Variants in PPID observed in about 807,000 individuals in gnomAD.
The protein encoded by PPID is peptidylprolyl isomerase D, also known as peptidyl-prolyl cis-trans isomerase D.
Under a neutral mutation model 48.1 loss-of-function variants are expected in PPID, and 47 were observed. The observed-to-expected ratio is 0.98, with a 90% CI of 0.77 to 1.25. PPID has a LOEUF of 1.25. Among genes scored for constraint, PPID ranks in the 50% most tolerant of loss-of-function variants. The probability of loss-of-function intolerance (pLI) is 0.00; values close to 1 mark genes in which losing one functional copy is unlikely to be tolerated. For missense variants in PPID, 429 were observed against 443.5 expected (o/e 0.97, Z 0.29); for synonymous variants, 163 against 148.8 (o/e 1.10, Z -0.69).
Position 158,720,839 on chromosome 4 carries a change from C to T in PPID, c.226+504G>A, listed in dbSNP as rs138868710. On this transcript the variant is annotated intron_variant, in intron 2 of 9. Transcript: ENST00000307720. ...ATGCCATTCTACTGCCTCAGCCTCC[C>T]GAGTAGCTGGGACTACAGGCGCCCA... Among the ~76,000 whole-genome samples, 59 of 152,124 alleles carry T rather than the reference C, an allele frequency of 3.9e-4. 2 individuals carry two copies. The East Asian group carries it at 9.6e-3, about 25-fold the overall frequency.
rs1393671805 is a variant in PPID, at chr4:158,723,191, A to T, written c.85+13T>A. ...TCCTCGGGGCTTTTCCGCGAGCGTC[A>T]GACTCCGCTCACCTCGCTCCCCTCC... On this transcript the variant is annotated intron_variant, in intron 1 of 9. Transcript: ENST00000307720. 1 of 1,610,330 alleles carries T rather than the reference A, an allele frequency of 6.2e-7. No homozygotes were observed. The highest frequency in any genetic ancestry group is 8.5e-7 in the Non-Finnish European group (1 of 1,177,582).
In PPID at chr4:158,709,637, A is replaced by G; in HGVS notation, c.*99T>C. 1 of 884,012 alleles carries G rather than the reference A, an allele frequency of 1.1e-6. No homozygotes were observed. The highest frequency in any genetic ancestry group is 1.7e-6 in the Non-Finnish European group (1 of 575,564). The allele number at this position is 884,012 out of a possible 1,614,324, so 54.8% of individuals were successfully genotyped here. On this transcript the variant is annotated 3_prime_UTR_variant, in exon 10 of 10. Transcript: ENST00000307720. ...GTAAACAGTAAGGAACTAAGGTGTC[A>G]AAAGAAACACATTAGGGATCATATT...
chr4:158,719,079 C>T, intron 3 of PPID, 101 bp downstream of exon 3: 1 of 706,168 alleles, frequency 1.4e-6, no homozygotes, highest in Admixed American at 2.9e-5. Context: ...AATGGAGAAT[C>T]TAAGCACACT....
intron 9 of PPID, chr4:158,710,354 A>G (rs1774768138): frequency 1.9e-6 from 1 of 538,346 alleles, no homozygotes. Context: ...GACAAACAGT[A>G]TTTAGACATA....
At position 158,709,802 on chromosome 4, in the gene PPID, T is replaced by C; in HGVS notation, c.1047A>G (p.Lys349=). 1 of 1,611,082 alleles carries C rather than the reference T, an allele frequency of 6.2e-7. No homozygotes were observed. Among genetic ancestry groups the C allele is most frequent in the Non-Finnish European group, 8.5e-7 (1 of 1,178,114 alleles). ...TCTGTGCCTTTATCTTTTGTTTGAC[T>C]TTCAGCAATTCTGCCTGGATAGCTG... ...EDKAIQAELL[K]VKQKIKAQKD... is the part of the protein sequence containing the mutation. The change falls in exon 10 of 10, where the codon AAA becomes AAG. Residue 349 remains lysine (K), a synonymous_variant. Coordinates refer to ENST00000307720, the MANE Select transcript of PPID (RefSeq NM_005038.3).
At chr4:158,710,199 A>T (rs916609446) in intron 9 of PPID, 5 of 337,758 alleles carry the variant, frequency 1.5e-5, no homozygotes, top group Admixed American at 4.7e-5. Flanking sequence ...TAAAACATAT[A>T]ACCAGTACAT....
intron 6 of PPID, 66 bp from the exon 7 acceptor site, chr4:158,713,326 C>T: frequency 7.3e-7 from 1 of 1,368,652 alleles, no homozygotes; most frequent in Non-Finnish European, 9.8e-7. Flanking sequence ...TTCTCTATGT[C>T]CAGAAGTGTT....
chr4:158,715,370 T>A lies in PPID; in HGVS notation c.679A>T (p.Lys227Ter). ...DKILLITEDL[K>*]NIGNTFFKSQ... ...TTGAAAAAAGTATTTCCAATGTTTT[T>A]TAAGTCTTCTGTTATTAATAAAATT... Residue 227 changes from lysine to a stop codon, truncating the protein, a stop_gained, in exon 6 of 10, where the codon AAA becomes TAA. Coordinates refer to ENST00000307720, the MANE Select transcript of PPID (RefSeq NM_005038.3). LOFTEE classifies it high-confidence loss of function. 6.5e-7 allele frequency: 1 copy of A among 1,537,690 alleles called. No individual in the cohort carries two copies. The highest frequency in any genetic ancestry group is 8.7e-7 in the Non-Finnish European group (1 of 1,144,634).
chr4:158,719,405 TG>T, intron 2 of PPID, 119 bp from the exon 3 acceptor site: 1 of 679,950 alleles, frequency 1.5e-6, no homozygotes. Context: ...GTCTCTCTCC[TG>T]TTTGTCGCTC....
chr4:158,718,195 G>A (rs1403730921), intron 3 of PPID, among the ~76,000 whole-genome samples: 2 of 152,034 alleles, frequency 1.3e-5, no homozygotes, highest in Non-Finnish European at 2.9e-5. Context: ...TTTCCTCAAC[G>A]TCTCTTGCCT....
At chr4:158,710,133 G>A in intron 9 of PPID, 1 of 376,484 alleles carries the variant, frequency 2.7e-6, no homozygotes, top group South Asian at 3.6e-5. Context: ...CAGATCTAGT[G>A]TCACTATTCA....
At chr4:158,719,322 C>G (rs779657881) in intron 2 of PPID, 36 bp from the exon 3 acceptor site, 3 of 1,351,688 alleles carry the variant, frequency 2.2e-6, no homozygotes, top group East Asian at 2.3e-5. Flanking sequence ...GTGACTGAGA[C>G]ATGGATGCCT....
At chr4:158,714,539 C>T (rs1774838858) in intron 6 of PPID, among the ~76,000 whole-genome samples, 1 of 151,682 alleles carries the variant, frequency 6.6e-6, no homozygotes, top group Non-Finnish European at 1.5e-5. Context: ...TTAGTTTGGA[C>T]CCTTGATTTT....
chr4:158,719,799 C>T (rs532177547), intron 2 of PPID, among the ~76,000 whole-genome samples: 1 of 152,274 alleles, frequency 6.6e-6, no homozygotes, highest in South Asian at 2.1e-4. Context: ...GCAAATATAT[C>T]ACTTTGTGTC....
chr4:158,723,126 T>G (rs1290588413), intron 1 of PPID, 78 bp downstream of exon 1: 10 of 1,416,040 alleles, frequency 7.1e-6, no homozygotes, highest in Non-Finnish European at 8.8e-6. Context: ...CGGAGCCGCA[T>G]TCCGCCCTTG....
chr4:158,722,378 G>A (rs1774977088), intron 1 of PPID, among the ~76,000 whole-genome samples: 1 of 152,222 alleles, frequency 6.6e-6, no homozygotes, highest in African/African-American at 2.4e-5. Flanking sequence ...TGAGCAAACT[G>A]CCTCATGCAA....
chr4:158,709,975 A>G (rs1774756360), intron 9 of PPID, 151 bp from the exon 10 acceptor site: 1 of 608,968 alleles, frequency 1.6e-6, no homozygotes, highest in East Asian at 2.9e-5. Context: ...CAATCACACA[A>G]ACACAGAAAT....
rs761783799 is a variant in PPID, at chr4:158,721,434, C to T, written c.135G>A (p.Ala45=). ...CTGTACACAGTGCACGAAAATTTTCCGCAGTTTTGGGTACGATATCTGCAA... is the reference window on the plus strand; with the variant it reads ...CTGTACACAGTGCACGAAAATTTTCTGCAGTTTTGGGTACGATATCTGCAA... ...ELFADIVPKT[A]ENFRALCTGE... The change falls in exon 2 of 10, where the codon GCG becomes GCA. Residue 45 remains alanine (A), a synonymous_variant. Transcript: ENST00000307720. The T allele has an allele frequency of 1.5e-5, 24 of 1,613,882 alleles. No individual in the cohort carries two copies. Among genetic ancestry groups the T allele is most frequent in the Admixed American group, 8.3e-5 (5 of 60,000 alleles).
At chr4:158,713,853 T>C (rs1774828363) in intron 6 of PPID, among the ~76,000 whole-genome samples, 1 of 152,064 alleles carries the variant, frequency 6.6e-6, no homozygotes, top group Non-Finnish European at 1.5e-5. Flanking sequence ...TTGGAACCCT[T>C]TGGGCATGAA....
Sources: allele counts gnomAD v4.1 joint callset (sites outside exome capture counted in the v4.1 genomes callset), GRCh38; gene constraint gnomAD v4.1.1; transcripts MANE v1.5; gene names NCBI Gene and HGNC (gene_info 2026-07-23, HGNC 2026-07-21).